EP300: variants seen among roughly 807,000 people sequenced by gnomAD.
EP300 encodes EP300 lysine acetyltransferase.
Under a neutral mutation model 264.0 loss-of-function variants are expected in EP300, and 31 were observed. That is an observed-to-expected ratio of 0.12 (90% CI 0.09 to 0.16). The LOEUF (loss-of-function observed/expected upper bound fraction) is 0.16. EP300 is among the 10% of genes least tolerant of loss of function. The pLI is 1.00. For missense variants in EP300, 2,766 were observed against 3,052.9 expected (o/e 0.91, Z 2.21); for synonymous variants, 1,340 against 1,045.4 (o/e 1.28, Z -5.44).
rs2059233612 is a variant in EP300, at chr22:41,179,910, ACACACACACACACT to A, written c.*955_*968del. On this transcript the variant is annotated 3_prime_UTR_variant, in exon 31 of 31. Coordinates refer to ENST00000263253, the MANE Select transcript of EP300 (RefSeq NM_001429.4). Reference sequence around the variant, plus strand: ...CACACACACACACACACACACACACACACACACACACACTTTCTATAAAACTTGAAAATAGCAAA... The same window carrying A: ...CACACACACACACACACACACACACATTCTATAAAACTTGAAAATAGCAAA... The A allele has an allele frequency of 2.5e-5, 4 of 157,032 alleles. No homozygotes were observed. Among genetic ancestry groups the A allele is most frequent in the Admixed American group, 2.2e-4 (2 of 8,996 alleles). 9.7% of individuals were successfully genotyped at this position (157,032 alleles called of 1,614,324 possible). A position where few individuals can be genotyped will look rare whatever the true frequency, so the allele number is the denominator to read the frequency against.
chr22:41,127,854 T>C, intron 4 of EP300, 106 bp downstream of exon 4: 1 of 1,403,108 alleles, frequency 7.1e-7, no homozygotes, highest in Non-Finnish European at 9.9e-7. Flanking sequence ...TTTAATACCT[T>C]AATTGTGGTG....
intron 10 of EP300, among the ~76,000 whole-genome samples, chr22:41,145,189 G>A (rs566869056): frequency 6.6e-5 from 10 of 152,286 alleles, no homozygotes; most frequent in African/African-American, 2.4e-4. Context: ...AGATATGTGT[G>A]GGGAGGAAGA....
At chr22:41,135,689 ATTAT>A (rs2058946609) in intron 6 of EP300, 120 bp from the exon 7 acceptor site, 1 of 729,914 alleles carries the variant, frequency 1.4e-6, no homozygotes, top group South Asian at 1.6e-5. Context: ...TATATTGTCA[ATTAT>A]TTATTGTATA....
chr22:41,165,223 T>C (rs1300394877), intron 22 of EP300, among the ~76,000 whole-genome samples: 1 of 152,218 alleles, frequency 6.6e-6, no homozygotes, highest in Non-Finnish European at 1.5e-5. Context: ...GTTCTTCTAA[T>C]TTAGGATCAG....
At chr22:41,094,980 T>C (rs2058694182) in intron 1 of EP300, among the ~76,000 whole-genome samples, 1 of 152,178 alleles carries the variant, frequency 6.6e-6, no homozygotes, top group Admixed American at 6.5e-5. Context: ...AGTGGGCTTT[T>C]ATAGTTTAAA....
intron 29 of EP300, among the ~76,000 whole-genome samples, chr22:41,175,212 G>T (rs1169584088): frequency 6.6e-6 from 1 of 152,158 alleles, no homozygotes; most frequent in Middle Eastern, 3.2e-3. Context: ...AATTTAGGTT[G>T]TAAATCCAAG....
intron 1 of EP300, among the ~76,000 whole-genome samples, chr22:41,099,609 T>C (rs150776727): frequency 6.6e-6 from 1 of 152,206 alleles, no homozygotes; most frequent in Non-Finnish European, 1.5e-5. Flanking sequence ...ATAGATTTGA[T>C]CTTTGTAACC....
chr22:41,114,805 G>C (rs2058812210), intron 1 of EP300, among the ~76,000 whole-genome samples: 1 of 137,706 alleles, frequency 7.3e-6, no homozygotes, highest in Non-Finnish European at 1.6e-5. Context: ...AAAAGATACA[G>C]AAGGAGCAGG....
chr22:41,140,444 C>G (rs1192972249), intron 9 of EP300, among the ~76,000 whole-genome samples, 187 bp downstream of exon 9: 1 of 152,110 alleles, frequency 6.6e-6, no homozygotes, highest in Non-Finnish European at 1.5e-5. Context: ...CATCAAGAAT[C>G]TTATGTTTTT....
intron 20 of EP300, 53 bp from the exon 21 acceptor site, chr22:41,162,670 C>G: frequency 7.0e-7 from 1 of 1,425,636 alleles, no homozygotes; most frequent in South Asian, 1.2e-5. Flanking sequence ...GAACAGCAGT[C>G]AGATTGCTCA....
intron 2 of EP300, among the ~76,000 whole-genome samples, chr22:41,119,179 T>TA (rs373043233): frequency 0.52 from 68,157 of 131,282 alleles, 19,801 homozygotes; most frequent in Admixed American, 0.7. Context: ...ATTATTATTT[T>TA]TTTTTTTTTT....
rs766271527 is a variant in EP300 at position 41,178,631 on chromosome 22, T to G, written c.6920T>G (p.Val2307Gly). The G allele has an allele frequency of 1.2e-6, 2 of 1,613,998 alleles. No individual in the cohort carries two copies. Among genetic ancestry groups the G allele is most frequent in the South Asian group, 1.1e-5 (1 of 91,068 alleles). Residue 2307 changes from valine (V) to glycine (G), a missense_variant, in exon 31 of 31, where the codon GTG becomes GGG. By Grantham distance (109) the Val-to-Gly change is moderately radical (BLOSUM62 -3). Coordinates refer to ENST00000263253, the MANE Select transcript of EP300 (RefSeq NM_001429.4). ...QQIPNSLSNQ[V>G]RSPQPVPSPR... ...ATCCCTAATTCTCTCTCCAATCAAG[T>G]GCGCTCTCCCCAGCCTGTCCCTTCT...
rs761323972 is a variant in EP300 at position 41,117,283 on chromosome 22, T to G, written c.191T>G (p.Leu64Arg). Residue 64 changes from leucine (L) to arginine (R), a missense_variant, in exon 2 of 31, where the codon CTT becomes CGT. Physicochemically the swap from Leu to Arg is moderately radical, Grantham distance 102. Coordinates refer to ENST00000263253, the MANE Select transcript of EP300 (RefSeq NM_001429.4). ...GLTNGGDINQ[L>R]QTSLGMVQDA... ...ACCAATGGTGGTGATATTAATCAGC[T>G]TCAGACAAGTCTTGGCATGGTACAA... The G allele has an allele frequency of 6.2e-7, 1 of 1,614,200 alleles. No homozygotes were observed. The highest frequency in any genetic ancestry group is 8.5e-7 in the Non-Finnish European group (1 of 1,180,040).
intron 27 of EP300, among the ~76,000 whole-genome samples, chr22:41,171,762 C>A (rs1428391962): frequency 1.3e-5 from 2 of 151,736 alleles, no homozygotes; most frequent in Non-Finnish European, 2.9e-5. Flanking sequence ...CAGGCATGCA[C>A]CACCAAGCCA....
At position 41,151,991 on chromosome 22, in the gene EP300, T is replaced by G; in HGVS notation, c.2976T>G (p.Thr992=). 1 of 1,614,192 alleles carries G rather than the reference T, an allele frequency of 6.2e-7. No individual in the cohort carries two copies. ...TGGATCAACCAGAACCAGCAGATAC[T>G]CAGCCGGAGGATATTTCAGAGGTGA... ...MEVDQPEPAD[T]QPEDISESKV... is the part of the protein sequence containing the mutation. The change falls in exon 15 of 31, where the codon ACT becomes ACG. Residue 992 remains threonine (T), a synonymous_variant. Coordinates refer to ENST00000263253, the MANE Select transcript of EP300 (RefSeq NM_001429.4).
Position 41,177,174 on chromosome 22 carries a change from A to C in EP300, c.5463A>C (p.Arg1821=), listed in dbSNP as rs1415139750. ...QKLRQQQLQH[R]LQQAQMLRRR... is the part of the protein sequence containing the mutation. ...TCCGGCAGCAACAGCTGCAGCACCG[A>C]CTACAGCAGGCCCAAATGCTTCGCA... The change falls in exon 31 of 31, where the codon CGA becomes CGC. Residue 1821 remains arginine (R), a synonymous_variant. Transcript: ENST00000263253. 2 of 1,614,006 alleles carry C rather than the reference A, an allele frequency of 1.2e-6. No homozygotes were observed. The highest frequency in any genetic ancestry group is 3.3e-5 in the Admixed American group (2 of 59,996).
intron 13 of EP300, 70 bp from the exon 14 acceptor site, chr22:41,149,691 T>G (rs778514944): frequency 6.7e-7 from 1 of 1,484,212 alleles, no homozygotes; most frequent in African/African-American, 1.4e-5. Context: ...AATTTATATA[T>G]CATGCCTATG....
chr22:41,125,307 A>C (rs2058875253), intron 2 of EP300, among the ~76,000 whole-genome samples: 1 of 151,086 alleles, frequency 6.6e-6, no homozygotes, highest in South Asian at 2.1e-4. Context: ...TTTAGTAGAG[A>C]CGGGGTTTCA....
rs746671562 is a variant in EP300 at position 41,177,402 on chromosome 22, C to G, written c.5691C>G (p.Ser1897=). The part of the protein sequence containing the change: ...LPRTQAAGPV[S]QGKAAGQVTP... ...GGACTCAAGCTGCTGGCCCTGTGTC[C>G]CAGGGTAAGGCAGCAGGCCAGGTGA... The change falls in exon 31 of 31, where the codon TCC becomes TCG. Residue 1897 remains serine (S), a synonymous_variant. Transcript: ENST00000263253. The G allele has an allele frequency of 1.5e-5, 24 of 1,614,086 alleles. No homozygotes were observed. Among genetic ancestry groups the G allele is most frequent in the Non-Finnish European group, 1.9e-5 (23 of 1,180,020 alleles).
Sources: allele counts gnomAD v4.1 joint callset (sites outside exome capture counted in the v4.1 genomes callset), GRCh38; gene constraint gnomAD v4.1.1; transcripts MANE v1.5; gene names NCBI Gene and HGNC (gene_info 2026-07-23, HGNC 2026-07-21).